SLC26A7: variants seen among roughly 807,000 people sequenced by gnomAD.
The protein encoded by SLC26A7 is anion exchange transporter.
Under a neutral mutation model 82.5 loss-of-function variants are expected in SLC26A7, and 59 were observed. The observed-to-expected ratio is 0.72, with a 90% CI of 0.58 to 0.89. SLC26A7 has a LOEUF of 0.89. Ranked by LOEUF, SLC26A7 falls within the 40% of genes least tolerant of loss-of-function variation. SLC26A7 has a pLI of 0.00. For missense variants in SLC26A7, 820 were observed against 793.0 expected, an observed-to-expected ratio of 1.03 and a Z score of -0.41; for synonymous variants, 271 against 274.3, an observed-to-expected ratio of 0.99 and a Z score of 0.12.
chr8:91,295,632 G>A lies in SLC26A7; in HGVS notation c.406G>A (p.Gly136Ser). Reference protein sequence around the residue: ...LTTQSNTSVLGLSDFEMQRIH... With the variant: ...LTTQSNTSVLSLSDFEMQRIH... The stretch of plus-strand genomic sequence containing the variant: ...CACACAGAGTAACACAAGCGTGCTG[G>A]GCTTATCCGACTTTGAAATGCAAAG... The change falls in exon 4 of 19, where the codon GGC becomes AGC. Residue 136 changes from glycine (G) to serine (S), a missense_variant. By Grantham distance (56) the Gly-to-Ser change is moderately conservative (BLOSUM62 0). Coordinates refer to ENST00000276609, the MANE Select transcript of SLC26A7 (RefSeq NM_052832.4). 1.2e-6 allele frequency: 2 copies of A among 1,614,036 alleles called. No homozygotes were observed. Among genetic ancestry groups the A allele is most frequent in the Non-Finnish European group, 1.7e-6 (2 of 1,179,982 alleles).
At chr8:91,332,166 CAT>C (rs901693993) in intron 5 of SLC26A7, among the ~76,000 whole-genome samples, 12 of 145,722 alleles carry the variant, frequency 8.2e-5, no homozygotes, top group African/African-American at 2.7e-4. Flanking sequence ...TATACACACA[CAT>C]ATATATATAA....
intron 11 of SLC26A7, among the ~76,000 whole-genome samples, chr8:91,357,063 T>C (rs1586448321): frequency 6.6e-6 from 1 of 152,302 alleles, no homozygotes; most frequent in South Asian, 2.1e-4. Context: ...GGAGGTCAGA[T>C]TGTAAGTGAT....
At position 91,334,364 on chromosome 8, in the gene SLC26A7, A is replaced by C; in HGVS notation, c.712A>C (p.Ile238Leu). 1 of 1,613,552 alleles carries C rather than the reference A, an allele frequency of 6.2e-7. No individual in the cohort carries two copies. Among genetic ancestry groups the C allele is most frequent in the African/African-American group, 1.3e-5 (1 of 75,020 alleles). ...AGCATTGCTTTTATCCTTGCTGAGC[A>C]TTGTGGTCCTTGTTCTTGTTAAAGA... ...LEALLLSLLS[I>L]VVLVLVKELN... Residue 238 changes from isoleucine to leucine, a missense_variant, in exon 6 of 19, where the codon ATT becomes CTT. Transcript: ENST00000276609.
chr8:91,397,728 C>G lies in SLC26A7; in HGVS notation c.*2631C>G, dbSNP rs752899885. 1.3e-5 allele frequency: 2 copies of G among 152,500 alleles called. No individual in the cohort carries two copies. Among genetic ancestry groups the G allele is most frequent in the Admixed American group, 6.5e-5 (1 of 15,268 alleles). The allele number at this position is 152,500 out of a possible 1,614,324, so 9.4% of individuals were successfully genotyped here. On this transcript the variant is annotated 3_prime_UTR_variant, in exon 19 of 19. Transcript: ENST00000276609. Reference sequence around the variant, plus strand: ...TTGCAGTAATTTATTTGACAGATCTCTATTCTATAAATGTGTAATGTGATG... The same window carrying G: ...TTGCAGTAATTTATTTGACAGATCTGTATTCTATAAATGTGTAATGTGATG...
At chr8:91,323,804 C>G (rs986888102) in intron 5 of SLC26A7, among the ~76,000 whole-genome samples, 5 of 145,034 alleles carry the variant, frequency 3.4e-5, no homozygotes, top group African/African-American at 1.3e-4. Flanking sequence ...CTTTCCCTTT[C>G]TCTTTTTTCT....
intron 4 of SLC26A7, among the ~76,000 whole-genome samples, chr8:91,296,834 T>A (rs1460457845): frequency 6.6e-6 from 1 of 152,126 alleles, no homozygotes; most frequent in Non-Finnish European, 1.5e-5. Flanking sequence ...CAGTTTATTT[T>A]TCCAACCATG....
At chr8:91,382,593 C>T (rs1371750644) in intron 15 of SLC26A7, among the ~76,000 whole-genome samples, 1 of 152,094 alleles carries the variant, frequency 6.6e-6, no homozygotes, top group Non-Finnish European at 1.5e-5. Flanking sequence ...CAAGTGCAGA[C>T]TGGGATTCAG....
chr8:91,249,622 A>C lies in SLC26A7; in HGVS notation c.-30A>C. 6.8e-7 allele frequency: 1 copy of C among 1,475,986 alleles called. No individual in the cohort carries two copies. Among genetic ancestry groups the C allele is most frequent in the Non-Finnish European group, 9.0e-7 (1 of 1,112,422 alleles). The allele number at this position is 1,475,986 out of a possible 1,614,324, so 91.4% of individuals were successfully genotyped here. A position where few individuals can be genotyped will look rare whatever the true frequency, so the allele number is the denominator to read the frequency against. On this transcript the variant is annotated 5_prime_UTR_variant, in exon 2 of 19. Transcript: ENST00000276609. Reference sequence around the variant, plus strand: ...AATGATTTTTTTTCTTGTTTAGAGAAGTTTACTTCTACAAGAAGAAATCTG... The same window carrying C: ...AATGATTTTTTTTCTTGTTTAGAGACGTTTACTTCTACAAGAAGAAATCTG...
intron 5 of SLC26A7, among the ~76,000 whole-genome samples, chr8:91,323,372 G>A (rs907284929): frequency 3.3e-5 from 5 of 152,102 alleles, no homozygotes; most frequent in African/African-American, 1.2e-4. Context: ...AAATATTTTT[G>A]CAACTCAACC....
intron 4 of SLC26A7, among the ~76,000 whole-genome samples, chr8:91,314,439 T>G (rs1812574537): frequency 6.6e-6 from 1 of 152,170 alleles, no homozygotes; most frequent in Non-Finnish European, 1.5e-5. Context: ...CTAATGTCAG[T>G]GTGAATTAGC....
intron 2 of SLC26A7, among the ~76,000 whole-genome samples, chr8:91,265,394 TA>T (rs1206191187): frequency 1.3e-5 from 2 of 152,086 alleles, no homozygotes; most frequent in African/African-American, 4.8e-5. Context: ...TTCCTTTGGA[TA>T]TATACCCAGT....
At position 91,264,225 on chromosome 8, in the gene SLC26A7, A is replaced by G. The variant is rs569070780; in HGVS notation, c.193+14381A>G. On this transcript the variant is annotated intron_variant, in intron 2 of 18. Transcript: ENST00000276609. ...TGCCTGCTGAGACTCATGCATCTAC[A>G]GCTTTCCTTGGAATTGAAACACATG... Among the ~76,000 whole-genome samples the G allele has an allele frequency of 8.3e-4, 126 of 152,206 alleles. 1 individual carries two copies. Among genetic ancestry groups the G allele is most frequent in the South Asian group, 3.5e-3 (17 of 4,830 alleles).
intron 6 of SLC26A7, among the ~76,000 whole-genome samples, chr8:91,337,753 G>A (rs1813284071): frequency 6.6e-6 from 1 of 152,184 alleles, no homozygotes; most frequent in Non-Finnish European, 1.5e-5. Context: ...AAAGGCTGCT[G>A]TCATGGAGAG....
rs866400982 is a variant in SLC26A7, at chr8:91,387,218, A to G, written c.1676-2120A>G. Among the ~76,000 whole-genome samples the G allele has an allele frequency of 3.4e-4, 52 of 152,290 alleles. 2 individuals carry two copies. Among genetic ancestry groups the G allele is most frequent in the Middle Eastern group, 3.4e-3 (1 of 294 alleles). ...TTTCCTGCAATCTTAATACTTTCCT[A>G]TCTGTGATAATAAGCCAGGGCATAT... On this transcript the variant is annotated intron_variant, in intron 15 of 18. Coordinates refer to ENST00000276609, the MANE Select transcript of SLC26A7 (RefSeq NM_052832.4).
At chr8:91,329,352 C>T (rs954506650) in intron 5 of SLC26A7, among the ~76,000 whole-genome samples, 1 of 152,168 alleles carries the variant, frequency 6.6e-6, no homozygotes, top group Non-Finnish European at 1.5e-5. Context: ...GTCCACATGA[C>T]AGTCATTAGA....
intron 2 of SLC26A7, among the ~76,000 whole-genome samples, chr8:91,233,924 C>T (rs1810349793): frequency 1.3e-5 from 2 of 152,226 alleles, no homozygotes; most frequent in African/African-American, 4.8e-5. Context: ...ACTGCCTTCA[C>T]TCTGTCCTTG....
chr8:91,337,661 T>C (rs10095567), intron 6 of SLC26A7, among the ~76,000 whole-genome samples: 116,771 of 152,128 alleles, frequency 0.77, 45,958 homozygotes, highest in Non-Finnish European at 0.87. Flanking sequence ...AGCTAAAAAT[T>C]TGAAAATATT....
intron 4 of SLC26A7, among the ~76,000 whole-genome samples, chr8:91,303,430 T>C (rs1483599109): frequency 6.6e-6 from 1 of 152,190 alleles, no homozygotes; most frequent in African/African-American, 2.4e-5. Flanking sequence ...ATTTCTGCCA[T>C]GGGGAAATCT....
intron 7 of SLC26A7, among the ~76,000 whole-genome samples, chr8:91,339,364 T>A (rs1434010855): frequency 6.6e-6 from 1 of 152,142 alleles, no homozygotes; most frequent in Non-Finnish European, 1.5e-5. Flanking sequence ...GCTAAAGGAA[T>A]TATAACAAGA....
Sources: gnomAD v4.1 joint callset for allele counts (sites outside exome capture counted in the v4.1 genomes callset) on GRCh38, gnomAD v4.1.1 for gene constraint, MANE v1.5 for transcripts, NCBI Gene and HGNC (gene_info 2026-07-23, HGNC 2026-07-21) for gene names.